ACTR3C: variants seen among roughly 807,000 people sequenced by gnomAD.
ACTR3C encodes actin related protein 3C, also known as actin-related protein 3C.
A neutral mutation model predicts 26.3 loss-of-function variants in ACTR3C; 18 were observed. That is an observed-to-expected ratio of 0.68 (90% CI 0.47 to 1.01). ACTR3C has a LOEUF of 1.01. Ranked by LOEUF, ACTR3C falls within the 50% of genes least tolerant of loss-of-function variation. The pLI, the probability that ACTR3C is intolerant of heterozygous loss-of-function variation, is 0.00. For synonymous variants in ACTR3C, 55 were observed against 94.5 expected, an observed-to-expected ratio of 0.58 and a Z score of 2.42; for missense variants, 184 against 250.7, an observed-to-expected ratio of 0.73 and a Z score of 1.80.
the ACTR3C span, among the ~76,000 whole-genome samples, chr7:150,072,679 G>C: frequency 6.6e-6 from 1 of 152,154 alleles, no homozygotes; most frequent in South Asian, 2.1e-4. Flanking sequence ...TTACAAACCA[G>C]TAAGACTGGG....
the ACTR3C span, among the ~76,000 whole-genome samples, chr7:149,949,354 C>T: frequency 1.4e-5 from 2 of 140,572 alleles, no homozygotes; most frequent in Non-Finnish European, 3.0e-5. Flanking sequence ...CCAGTTTGAG[C>T]GAGAGTAAGA....
At chr7:150,048,703 A>G in the ACTR3C span, among the ~76,000 whole-genome samples, 1 of 151,932 alleles carries the variant, frequency 6.6e-6, no homozygotes, top group Non-Finnish European at 1.5e-5. Context: ...CTTCTTGCCT[A>G]ACTTGAAGCA....
chr7:150,035,166 G>T, the ACTR3C span, among the ~76,000 whole-genome samples: 6 of 138,834 alleles, frequency 4.3e-5, 1 homozygote, highest in Admixed American at 1.4e-4. Context: ...CTAAGCCAGG[G>T]GGGGAAGAGG....
the ACTR3C span, among the ~76,000 whole-genome samples, chr7:149,928,541 A>C: frequency 1.3e-5 from 2 of 151,756 alleles, no homozygotes; most frequent in East Asian, 3.9e-4. Flanking sequence ...AAATGAAGAC[A>C]TATCTAAAGA....
chr7:150,112,315 G>C, the ACTR3C span, among the ~76,000 whole-genome samples: 4 of 152,212 alleles, frequency 2.6e-5, no homozygotes, highest in African/African-American at 9.6e-5. Context: ...AAATGTGCAA[G>C]CCTCCATAAT....
the ACTR3C span, among the ~76,000 whole-genome samples, chr7:149,897,991 C>A: frequency 6.6e-6 from 1 of 152,214 alleles, no homozygotes; most frequent in Non-Finnish European, 1.5e-5. Context: ...ACTTTCCCCA[C>A]CTCCTTTTCT....
the ACTR3C span, among the ~76,000 whole-genome samples, chr7:150,091,775 G>C: frequency 6.7e-6 from 1 of 148,616 alleles, no homozygotes; most frequent in Non-Finnish European, 1.5e-5. Context: ...GAGGTCAGGA[G>C]ATCGAGACCA....
chr7:150,054,090 C>T, the ACTR3C span, among the ~76,000 whole-genome samples: 1 of 152,212 alleles, frequency 6.6e-6, no homozygotes, highest in Non-Finnish European at 1.5e-5. Context: ...TGACAAACCC[C>T]CTTTTCAGAT....
downstream of ACTR3C, among the ~76,000 whole-genome samples, chr7:150,242,621 G>A (rs1832253431): frequency 6.6e-6 from 1 of 152,214 alleles, no homozygotes; most frequent in Non-Finnish European, 1.5e-5. Context: ...TTAAGTCCAA[G>A]ACACAGAAAA....
the ACTR3C span, among the ~76,000 whole-genome samples, chr7:150,158,816 G>GCA: frequency 1.3e-5 from 2 of 149,004 alleles, no homozygotes; most frequent in African/African-American, 5.1e-5. Context: ...ACACACACAG[G>GCA]CACACACATG....
At chr7:150,010,136 G>A in the ACTR3C span, among the ~76,000 whole-genome samples, 11 of 152,190 alleles carry the variant, frequency 7.2e-5, no homozygotes, top group African/African-American at 2.4e-4. Context: ...TGTCAGCCCC[G>A]TGACACTCCC....
the ACTR3C span, among the ~76,000 whole-genome samples, chr7:150,107,842 G>A: frequency 1.3e-5 from 2 of 151,898 alleles, no homozygotes; most frequent in East Asian, 3.9e-4. Context: ...GGACAGAATG[G>A]GCCCCTTATA....
At chr7:150,060,036 A>T in the ACTR3C span, among the ~76,000 whole-genome samples, 1 of 152,256 alleles carries the variant, frequency 6.6e-6, no homozygotes, top group South Asian at 2.1e-4. Context: ...AACAAAATAA[A>T]TTATCCTTCT....
chr7:150,293,942 A>T (rs1312079676), intron 2 of ACTR3C, among the ~76,000 whole-genome samples: 3 of 152,272 alleles, frequency 2.0e-5, no homozygotes, highest in East Asian at 3.9e-4. Flanking sequence ...TCTCAAAAAT[A>T]AAAAAAAGAA....
chr7:149,897,038 G>T, the ACTR3C span, among the ~76,000 whole-genome samples: 2 of 146,848 alleles, frequency 1.4e-5, no homozygotes, highest in Admixed American at 1.4e-4. Context: ...TCCAGCCTGG[G>T]TGACAGAGCA....
the ACTR3C span, among the ~76,000 whole-genome samples, chr7:150,038,801 G>C: frequency 6.9e-6 from 1 of 144,470 alleles, no homozygotes; most frequent in East Asian, 2.0e-4. Context: ...CGCCTCGCGG[G>C]GGGTGCCTCC....
the ACTR3C span, among the ~76,000 whole-genome samples, chr7:150,199,258 C>A: frequency 7.8e-6 from 1 of 128,858 alleles, no homozygotes; most frequent in Admixed American, 7.5e-5. Flanking sequence ...TTGTTCTGTA[C>A]TAAGAAAAAT....
At chr7:150,034,899 G>T in the ACTR3C span, among the ~76,000 whole-genome samples, 4 of 148,068 alleles carry the variant, frequency 2.7e-5, no homozygotes, top group South Asian at 4.3e-4. Flanking sequence ...CTCGCGGGGG[G>T]TGCCTCCCCC....
intron 1 of ACTR3C, among the ~76,000 whole-genome samples, chr7:150,308,796 C>T (rs1212956681): frequency 1.3e-5 from 2 of 152,180 alleles, no homozygotes; most frequent in African/African-American, 4.8e-5. Context: ...CTCCCACCTG[C>T]CCAACAGTTT....
Sources: gnomAD v4.1 joint callset for allele counts (sites outside exome capture counted in the v4.1 genomes callset) on GRCh38, gnomAD v4.1.1 for gene constraint, MANE v1.5 for transcripts, NCBI Gene and HGNC (gene_info 2026-07-23, HGNC 2026-07-21) for gene names.